The following CUX1 variants were observed in gnomAD, a reference collection of about 807,000 sequenced individuals.
CUX1 encodes the protein protein CASP.
Under a neutral mutation model 158.8 loss-of-function variants are expected in CUX1, and 31 were observed. The observed-to-expected ratio is 0.20, with a 90% CI of 0.15 to 0.26. CUX1 has a LOEUF of 0.26. Among genes scored for constraint, CUX1 ranks in the 10% least tolerant of loss-of-function variants. The pLI, the probability that CUX1 is intolerant of heterozygous loss-of-function variation, is 1.00. For missense variants in CUX1, 1,589 were observed against 2,014.6 expected, an observed-to-expected ratio of 0.79 and a Z score of 4.04; for synonymous variants, 879 against 862.1, an observed-to-expected ratio of 1.02 and a Z score of -0.34.
intron 4 of CUX1, among the ~76,000 whole-genome samples, chr7:102,079,070 C>T (rs1277710032): frequency 6.6e-6 from 1 of 152,192 alleles, no homozygotes; most frequent in Non-Finnish European, 1.5e-5. Context: ...TTAGAAAACA[C>T]TGTTCTTTTA....
At chr7:102,107,735 C>A (rs1323925583) in intron 6 of CUX1, among the ~76,000 whole-genome samples, 1 of 152,148 alleles carries the variant, frequency 6.6e-6, no homozygotes, top group African/African-American at 2.4e-5. Context: ...ACAGCTTTTG[C>A]GGCTAATCAG....
At chr7:102,014,668 G>A (rs190615082) in intron 2 of CUX1, among the ~76,000 whole-genome samples, 7 of 152,086 alleles carry the variant, frequency 4.6e-5, no homozygotes, top group Non-Finnish European at 8.8e-5. Context: ...GGGATAATCC[G>A]TTGGGAAGTC....
At chr7:101,915,589 T>G (rs1307531927) in intron 1 of CUX1, among the ~76,000 whole-genome samples, 1 of 152,218 alleles carries the variant, frequency 6.6e-6, no homozygotes, top group Non-Finnish European at 1.5e-5. Context: ...CATAAACATT[T>G]GTTGAATGAA....
intron 2 of CUX1, among the ~76,000 whole-genome samples, chr7:101,938,604 CACT>C (rs2129133361): frequency 6.6e-6 from 1 of 152,224 alleles, no homozygotes; most frequent in South Asian, 2.1e-4. Flanking sequence ...GTGCCACCAC[CACT>C]ATTAAGATAG....
intron 3 of CUX1, among the ~76,000 whole-genome samples, chr7:102,043,282 C>T (rs929771692): frequency 2.0e-5 from 3 of 149,278 alleles, no homozygotes; most frequent in African/African-American, 4.9e-5. Flanking sequence ...GCATACATTA[C>T]GAAGTGATTT....
intron 1 of CUX1, among the ~76,000 whole-genome samples, chr7:101,825,801 G>A (rs1793219921): frequency 2.7e-5 from 1 of 37,614 alleles, no homozygotes; most frequent in Non-Finnish European, 5.5e-5. Context: ...GTGTGTGTGC[G>A]CGCGCGCGCG....
chr7:102,005,944 C>T (rs757297984), intron 2 of CUX1, among the ~76,000 whole-genome samples: 2 of 152,152 alleles, frequency 1.3e-5, no homozygotes, highest in East Asian at 1.9e-4. Flanking sequence ...AGAAAGGTCA[C>T]GAGGAGCGAG....
chr7:102,257,039 C>T lies in CUX1; in HGVS notation c.*7997C>T, dbSNP rs554843193. ...GAAGGTTGGGTGTGGAGATTGCTTG[C>T]TGTGGCCCCAAGCTCAGCCAGCAGG... is the stretch of plus-strand genomic sequence containing the variant. On this transcript the variant is annotated 3_prime_UTR_variant, in exon 24 of 24. Coordinates refer to ENST00000292535, the MANE Select transcript of CUX1 (RefSeq NM_181552.4). 6 of 985,388 alleles carry T rather than the reference C, an allele frequency of 6.1e-6. No homozygotes were observed. In the South Asian group the frequency reaches 2.3e-4, roughly 39 times the overall value. The allele number at this position is 985,388 out of a possible 1,614,324, so 61.0% of individuals were successfully genotyped here. A position where few individuals can be genotyped will look rare whatever the true frequency, so the allele number is the denominator to read the frequency against.
Position 102,253,331 on chromosome 7 carries a change from T to C in CUX1, c.*4289T>C. On this transcript the variant is annotated 3_prime_UTR_variant, in exon 24 of 24. Transcript: ENST00000292535. Reference sequence around the variant, plus strand: ...TCAGGCGTGCAGCTCATGACCAGTTTACACAGGCTGCAAAGAGATCGCTGT... The same window carrying C: ...TCAGGCGTGCAGCTCATGACCAGTTCACACAGGCTGCAAAGAGATCGCTGT... 1 of 985,494 alleles carries C rather than the reference T, an allele frequency of 1.0e-6. No homozygotes were observed. The highest frequency in any genetic ancestry group is 1.2e-6 in the Non-Finnish European group (1 of 829,972). The allele number at this position is 985,494 out of a possible 1,614,324, so 61.0% of individuals were successfully genotyped here.
intron 11 of CUX1, among the ~76,000 whole-genome samples, chr7:102,179,901 G>A (rs1792841908): frequency 6.6e-6 from 1 of 152,222 alleles, no homozygotes; most frequent in Non-Finnish European, 1.5e-5. Context: ...ATGAGTGGCT[G>A]TAAAGTATAT....
chr7:101,992,579 A>G (rs1435435637), intron 2 of CUX1, among the ~76,000 whole-genome samples: 2 of 152,178 alleles, frequency 1.3e-5, no homozygotes, highest in African/African-American at 4.8e-5. Context: ...TTTGTAAGAT[A>G]AAGAAAAACA....
intron 2 of CUX1, among the ~76,000 whole-genome samples, chr7:101,955,955 G>A (rs572505856): frequency 1.2e-4 from 18 of 151,986 alleles, no homozygotes; most frequent in African/African-American, 4.3e-4. Flanking sequence ...AGGCCAAGGT[G>A]GGCGGATCAC....
At chr7:101,827,903 G>A (rs1316798081) in intron 1 of CUX1, among the ~76,000 whole-genome samples, 1 of 151,874 alleles carries the variant, frequency 6.6e-6, no homozygotes, top group Non-Finnish European at 1.5e-5. Context: ...TTGTTTCAAG[G>A]TGGTGGAGAT....
intron 1 of CUX1, among the ~76,000 whole-genome samples, chr7:101,895,946 G>A: frequency 8.0e-6 from 1 of 125,590 alleles, no homozygotes; most frequent in East Asian, 2.3e-4. Context: ...GTCTTACTCT[G>A]TCATGCAGGC....
chr7:102,052,033 G>A (rs146308192), intron 3 of CUX1, among the ~76,000 whole-genome samples: 4 of 152,172 alleles, frequency 2.6e-5, no homozygotes, highest in African/African-American at 7.2e-5. Flanking sequence ...CCAACATGGC[G>A]AAACCCCGTC....
intron 15 of CUX1, among the ~76,000 whole-genome samples, chr7:102,197,680 C>T (rs1300526062): frequency 1.3e-5 from 2 of 152,146 alleles, no homozygotes; most frequent in African/African-American, 2.4e-5. Context: ...CTTAAGTCCC[C>T]TCCAGCCCCA....
intron 6 of CUX1, among the ~76,000 whole-genome samples, chr7:102,108,736 T>TGTGTGTGTGTGTGTGTGTG (rs1830610289): frequency 1.4e-4 from 20 of 145,060 alleles, no homozygotes; most frequent in African/African-American, 4.7e-4. Context: ...TTCATTCATT[T>TGTGTGTGTGTGTGTGTGTG]TGTGTGTGTG....
At position 101,963,209 on chromosome 7, in the gene CUX1, G is replaced by A. The variant is rs550172742; in HGVS notation, c.141+46984G>A. Among the ~76,000 whole-genome samples, 18 of 152,236 alleles carry A rather than the reference G, an allele frequency of 1.2e-4. No individual in the cohort carries two copies. The South Asian group carries it at 2.1e-3, about 18-fold the overall frequency. On this transcript the variant is annotated intron_variant, in intron 2 of 23. Transcript: ENST00000292535. ...CCTATCCTTCAGTGACCCCAGCACC[G>A]GTTTCAGTGCCAGAAAATGTGCTGT...
chr7:101,853,022 A>T (rs1267682920), intron 1 of CUX1, among the ~76,000 whole-genome samples: 1 of 152,094 alleles, frequency 6.6e-6, no homozygotes, highest in Admixed American at 6.6e-5. Flanking sequence ...AATGTTTTTT[A>T]AAAATATATA....
Sources: gnomAD v4.1 joint callset for allele counts (sites outside exome capture counted in the v4.1 genomes callset) on GRCh38, gnomAD v4.1.1 for gene constraint, MANE v1.5 for transcripts, NCBI Gene and HGNC (gene_info 2026-07-23, HGNC 2026-07-21) for gene names.